Variants in LOXL3 observed in about 807,000 individuals in gnomAD.
LOXL3 encodes the protein lysyl oxidase homolog 3.
In LOXL3, 60 loss-of-function variants were observed where a neutral mutation model predicts 91.8. The observed-to-expected ratio is 0.65, with a 90% CI of 0.53 to 0.81. The LOEUF is 0.81. LOXL3 is among the 30% of genes least tolerant of loss of function. LOXL3 has a pLI of 0.00. For missense variants in LOXL3, 874 were observed against 1,000.4 expected (o/e 0.87, Z 1.70); for synonymous variants, 355 against 387.6 (o/e 0.92, Z 0.99).
In LOXL3 at chr2:74,532,779, T is replaced by C; in HGVS notation, c.*827A>G. ...GTGTGCATGTGTCCTTGAACTAGGCTTTGTACTCCTTCCTTTCTCTCTGTC... is the reference window on the plus strand; with the variant it reads ...GTGTGCATGTGTCCTTGAACTAGGCCTTGTACTCCTTCCTTTCTCTCTGTC... On this transcript the variant is annotated 3_prime_UTR_variant, in exon 14 of 14. Coordinates refer to ENST00000264094, the MANE Select transcript of LOXL3 (RefSeq NM_032603.5). 1 of 1,613,750 alleles carries C rather than the reference T, an allele frequency of 6.2e-7. No homozygotes were observed. The highest frequency in any genetic ancestry group is 8.5e-7 in the Non-Finnish European group (1 of 1,179,744).
chr2:74,549,242 T>C lies in LOXL3; in HGVS notation c.692+127A>G, dbSNP rs1003808036. On this transcript the variant is annotated intron_variant, in intron 4 of 13. Transcript: ENST00000264094. The surrounding 1 kb of genome is among the most constrained non-coding windows in gnomAD (Gnocchi z 5.3). Reference sequence around the variant, plus strand: ...CTCTCCAGCTTTGCAACGGCCTCCATATTTTCCCGCGCGTCCCGACCCCCG... The same window carrying C: ...CTCTCCAGCTTTGCAACGGCCTCCACATTTTCCCGCGCGTCCCGACCCCCG... 3 of 1,108,426 alleles carry C rather than the reference T, an allele frequency of 2.7e-6. No individual in the cohort carries two copies. The highest frequency in any genetic ancestry group is 3.2e-5 in the African/African-American group (2 of 62,912). The allele number at this position is 1,108,426 out of a possible 1,614,324, so 68.7% of individuals were successfully genotyped here. A position where few individuals can be genotyped will look rare whatever the true frequency, so the allele number is the denominator to read the frequency against.
intron 4 of LOXL3, among the ~76,000 whole-genome samples, chr2:74,542,969 C>T (rs1431356781): frequency 2.0e-5 from 3 of 152,136 alleles, no homozygotes; most frequent in African/African-American, 4.8e-5. Flanking sequence ...TTTTCCCTAC[C>T]TATCACTCTG....
At chr2:74,541,881 T>C (rs2104415288) in intron 4 of LOXL3, among the ~76,000 whole-genome samples, 1 of 151,818 alleles carries the variant, frequency 6.6e-6, no homozygotes, top group East Asian at 1.9e-4. Flanking sequence ...TAAGTTATGT[T>C]AAGGACTTTG....
chr2:74,536,008 C>T lies in LOXL3; in HGVS notation c.1236G>A (p.Gly412=), dbSNP rs1312200247. ...AGVRCNLPYT[G]AETRIRLSGG... The stretch of plus-strand genomic sequence containing the variant: ...GAGGATGACTGACCCTGGTCTCTGC[C>T]CCAGTGTAAGGTAGGTTGCACCGGA... The change falls in exon 7 of 14, where the codon GGG becomes GGA. Residue 412 remains glycine, a synonymous_variant. Coordinates refer to ENST00000264094, the MANE Select transcript of LOXL3 (RefSeq NM_032603.5). The surrounding 1 kb of genome is among the most constrained non-coding windows in gnomAD (Gnocchi z 4.5). The T allele has an allele frequency of 1.9e-6, 3 of 1,577,788 alleles. No individual in the cohort carries two copies. Among genetic ancestry groups the T allele is most frequent in the Non-Finnish European group, 2.6e-6 (3 of 1,163,568 alleles).
At position 74,549,346 on chromosome 2, in the gene LOXL3, G is replaced by T; in HGVS notation, c.692+23C>A. ...GAGCACCCCAATCCCGGCCTGCTCC[G>T]CCCGGCGCCCGCGGCCCCTCACCTG... On this transcript the variant is annotated intron_variant, in intron 4 of 13. Coordinates refer to ENST00000264094, the MANE Select transcript of LOXL3 (RefSeq NM_032603.5). The surrounding 1 kb of genome is among the most constrained non-coding windows in gnomAD (Gnocchi z 5.3). The T allele has an allele frequency of 6.5e-7, 1 of 1,548,454 alleles. No homozygotes were observed. Among genetic ancestry groups the T allele is most frequent in the South Asian group, 1.2e-5 (1 of 84,534 alleles).
At chr2:74,542,520 GCACACACACA>G (rs146466764) in intron 4 of LOXL3, among the ~76,000 whole-genome samples, 1 of 145,454 alleles carries the variant, frequency 6.9e-6, no homozygotes, top group Non-Finnish European at 1.5e-5. Context: ...TCCTACACAT[GCACACACACA>G]CACACACACA....
intron 4 of LOXL3, among the ~76,000 whole-genome samples, chr2:74,543,900 C>CAAAAAAAAAAAAAAAAAAAAAAAAAAAA (rs960168777): frequency 1.5e-5 from 1 of 65,164 alleles, no homozygotes; most frequent in Non-Finnish European, 3.6e-5. Context: ...GGCTCTGTCT[C>CAAAAAAAAAAAAAAAAAAAAAAAAAAAA]AAAAAAAAAA....
At chr2:74,540,967 G>C (rs1260444879) in intron 4 of LOXL3, among the ~76,000 whole-genome samples, 1 of 152,148 alleles carries the variant, frequency 6.6e-6, no homozygotes, top group Non-Finnish European at 1.5e-5. Flanking sequence ...CCCAGCCTTA[G>C]TTGTCCTTTC....
intron 13 of LOXL3, 60 bp downstream of exon 13, chr2:74,533,822 G>A: frequency 1.3e-6 from 2 of 1,490,650 alleles, no homozygotes; most frequent in Non-Finnish European, 1.9e-6. Flanking sequence ...ATGGAAAAGA[G>A]AATGAACGTC....
In LOXL3 at chr2:74,536,962, A is replaced by G. The variant is rs1676068195; in HGVS notation, c.693-34T>C. On this transcript the variant is annotated intron_variant, in intron 4 of 13. Transcript: ENST00000264094. This position sits in a 1 kb window ranked among gnomAD's most constrained non-coding sequence, Gnocchi z 4.5. ...ACAGGAGTGAGGTGCAGTAGGGTAAAACAATGCTCCTGCCTCTTGGCCCCA... is the reference window on the plus strand; with the variant it reads ...ACAGGAGTGAGGTGCAGTAGGGTAAGACAATGCTCCTGCCTCTTGGCCCCA... The G allele has an allele frequency of 1.3e-6, 2 of 1,568,428 alleles. No individual in the cohort carries two copies. The highest frequency in any genetic ancestry group is 2.7e-5 in the African/African-American group (2 of 73,962).
At chr2:74,555,451 C>T (rs1355644513), upstream of LOXL3, 2 of 1,608,968 alleles carry the variant, frequency 1.2e-6, no homozygotes, top group Admixed American at 3.4e-5. This position sits in a 1 kb window ranked among gnomAD's most constrained non-coding sequence, Gnocchi z 6.1. Context: ...AAACGCCTTT[C>T]CGGTGAGGAG....
intron 4 of LOXL3, among the ~76,000 whole-genome samples, chr2:74,545,401 A>C (rs943924659): frequency 1.3e-5 from 2 of 152,128 alleles, no homozygotes; most frequent in African/African-American, 2.4e-5. Context: ...TTTATTTGTA[A>C]TTTTTCTATA....
chr2:74,544,140 C>A (rs1445357866), intron 4 of LOXL3, among the ~76,000 whole-genome samples: 2 of 151,814 alleles, frequency 1.3e-5, no homozygotes, highest in African/African-American at 4.8e-5. Flanking sequence ...CTCGTCTCTA[C>A]TAAAAATACA....
Position 74,536,238 on chromosome 2 carries a change from C to T in LOXL3, c.1093+53G>A. The T allele has an allele frequency of 1.2e-6, 2 of 1,612,068 alleles. No homozygotes were observed. The highest frequency in any genetic ancestry group is 8.5e-7 in the Non-Finnish European group (1 of 1,179,384). ...ACCTAACCTTCCGAAGGAATATGCC[C>T]CCCAGGAGCATGTACCTCCTTCCCT... On this transcript the variant is annotated intron_variant, in intron 6 of 13. Transcript: ENST00000264094. The surrounding 1 kb of genome is among the most constrained non-coding windows in gnomAD (Gnocchi z 4.5).
chr2:74,533,602 G>T lies in LOXL3; in HGVS notation c.*4C>A, dbSNP rs1295615600. 6.2e-7 allele frequency: 1 copy of T among 1,613,822 alleles called. No homozygotes were observed. Among genetic ancestry groups the T allele is most frequent in the Non-Finnish European group, 8.5e-7 (1 of 1,179,772 alleles). ...CAGTGGTGGTTTGCAGAGGGCAGTGGCACTTAGATAATCTGGTTGCTGGTC... is the reference window on the plus strand; with the variant it reads ...CAGTGGTGGTTTGCAGAGGGCAGTGTCACTTAGATAATCTGGTTGCTGGTC... On this transcript the variant is annotated 3_prime_UTR_variant, in exon 14 of 14. Transcript: ENST00000264094.
At chr2:74,534,846 CTAG>C in intron 9 of LOXL3, 72 bp from the exon 10 acceptor site, 1 of 1,529,580 alleles carries the variant, frequency 6.5e-7, no homozygotes, top group Non-Finnish European at 8.9e-7. Context: ...CCATCCCTCC[CTAG>C]TGTGTAAGAC....
Position 74,535,650 on chromosome 2 carries a change from T to TC in LOXL3, c.1353dup (p.Thr452AspfsTer9). 6.2e-7 allele frequency: 1 copy of TC among 1,613,692 alleles called. No individual in the cohort carries two copies. The highest frequency in any genetic ancestry group is 2.2e-5 in the East Asian group (1 of 44,872). On this transcript the variant is annotated frameshift_variant, in exon 8 of 14. Transcript: ENST00000264094. LOFTEE classifies it high-confidence loss of function. This position sits in a 1 kb window ranked among gnomAD's most constrained non-coding sequence, Gnocchi z 4.2. ...CTACAGGCCACCATGGCCTCCAGGG[T>TC]CCCCCAGTCATCCCCACAGATGAGG...
chr2:74,553,519 T>C (rs1408852131), intron 1 of LOXL3, among the ~76,000 whole-genome samples: 1 of 152,178 alleles, frequency 6.6e-6, no homozygotes, highest in Admixed American at 6.5e-5. Flanking sequence ...AGGCCTTCTC[T>C]GCCTAGGGCT....
At chr2:74,554,985 G>T, upstream of LOXL3, 1 of 1,397,000 alleles carries the variant, frequency 7.2e-7, no homozygotes. The surrounding 1 kb of genome is among the most constrained non-coding windows in gnomAD (Gnocchi z 4.9). Flanking sequence ...TAGTCTAGGG[G>T]TTCTGGTCCT....
Sources: allele counts gnomAD v4.1 joint callset (sites outside exome capture counted in the v4.1 genomes callset), GRCh38; gene constraint gnomAD v4.1.1; non-coding constraint Gnocchi (gnomAD v3.1); transcripts MANE v1.5; gene names NCBI Gene and HGNC (gene_info 2026-07-23, HGNC 2026-07-21).